Variants in RUNDC3B observed in about 807,000 individuals in gnomAD.
RUNDC3B encodes the protein RUN domain-containing protein 3B.
In RUNDC3B, 33 loss-of-function variants were observed where a neutral mutation model predicts 58.4. That is an observed-to-expected ratio of 0.56 (90% CI 0.43 to 0.75). RUNDC3B has a LOEUF of 0.75. Ranked by LOEUF, RUNDC3B falls within the 30% of genes least tolerant of loss-of-function variation. The probability of loss-of-function intolerance (pLI) is 0.00; values close to 1 mark genes in which losing one functional copy is unlikely to be tolerated. For missense variants in RUNDC3B, 501 were observed against 535.7 expected, an observed-to-expected ratio of 0.94 and a Z score of 0.64; for synonymous variants, 193 against 195.2, an observed-to-expected ratio of 0.99 and a Z score of 0.10.
At position 87,815,643 on chromosome 7, in the gene RUNDC3B, ACTT is replaced by A. The variant is rs929266175; in HGVS notation, c.1104-494_1104-492del. Among the ~76,000 whole-genome samples, 21 of 152,176 alleles carry A rather than the reference ACTT, an allele frequency of 1.4e-4. No homozygotes were observed. In the East Asian group the frequency reaches 2.7e-3, roughly 20 times the overall value. ...TATTTTATTACCCAGCAGTTTTTAA[ACTT>A]CTTAATTACAGGAATTTGTAATAAT... On this transcript the variant is annotated intron_variant, in intron 9 of 10. Coordinates refer to ENST00000394654, the MANE Select transcript of RUNDC3B (RefSeq NM_001134405.2).
At chr7:87,781,775 G>T (rs1834936903) in intron 8 of RUNDC3B, among the ~76,000 whole-genome samples, 1 of 151,802 alleles carries the variant, frequency 6.6e-6, no homozygotes, top group South Asian at 2.1e-4. Flanking sequence ...TGTTTATGTG[G>T]TAGATCACAT....
chr7:87,724,706 G>T (rs1166370587), intron 4 of RUNDC3B, among the ~76,000 whole-genome samples: 2 of 151,900 alleles, frequency 1.3e-5, no homozygotes, highest in Non-Finnish European at 2.9e-5. Flanking sequence ...AAAATAATCT[G>T]CCATTTTCAT....
At chr7:87,820,863 A>C (rs1326147142) in intron 10 of RUNDC3B, among the ~76,000 whole-genome samples, 1 of 152,018 alleles carries the variant, frequency 6.6e-6, no homozygotes, top group African/African-American at 2.4e-5. Context: ...AACTCTCAAT[A>C]AATTAGGTAT....
rs979702224 is a variant in RUNDC3B, at chr7:87,653,824, G to T, written c.238+2887G>T. On this transcript the variant is annotated intron_variant, in intron 2 of 10. Transcript: ENST00000394654. ...TAGTCTTCTGGCTTACCACTGATTTGTTAGTATTGCTCTTAAAAATCTGGT... is the reference window on the plus strand; with the variant it reads ...TAGTCTTCTGGCTTACCACTGATTTTTTAGTATTGCTCTTAAAAATCTGGT... Among the ~76,000 whole-genome samples the T allele has an allele frequency of 2.0e-4, 30 of 151,956 alleles. No homozygotes were observed. In the East Asian group the frequency reaches 2.1e-3, roughly 11 times the overall value.
At chr7:87,781,758 T>C (rs1834936141) in intron 8 of RUNDC3B, among the ~76,000 whole-genome samples, 1 of 152,140 alleles carries the variant, frequency 6.6e-6, no homozygotes, top group South Asian at 2.1e-4. Flanking sequence ...GTTTTTGTTT[T>C]TTATTCTGTT....
intron 1 of RUNDC3B, among the ~76,000 whole-genome samples, chr7:87,638,077 A>C (rs191862805): frequency 1.6e-3 from 242 of 152,134 alleles, no homozygotes; most frequent in Middle Eastern, 0.014. Flanking sequence ...TTTGTCTTTC[A>C]AGTAAACGTG....
At chr7:87,672,718 T>A (rs990372722) in intron 2 of RUNDC3B, among the ~76,000 whole-genome samples, 1 of 152,144 alleles carries the variant, frequency 6.6e-6, no homozygotes, top group Non-Finnish European at 1.5e-5. Context: ...CAAGGAGATC[T>A]CCTGACCCAA....
At chr7:87,734,318 A>G (rs1831788632) in intron 4 of RUNDC3B, among the ~76,000 whole-genome samples, 1 of 152,194 alleles carries the variant, frequency 6.6e-6, no homozygotes, top group Non-Finnish European at 1.5e-5. Context: ...CATACAGTGG[A>G]ATGTTATTCA....
intron 8 of RUNDC3B, among the ~76,000 whole-genome samples, chr7:87,783,312 A>G (rs758291623): frequency 2.6e-5 from 4 of 152,060 alleles, no homozygotes; most frequent in Non-Finnish European, 5.9e-5. Flanking sequence ...TATCCGATAT[A>G]AGAATAGGAC....
intron 8 of RUNDC3B, among the ~76,000 whole-genome samples, chr7:87,782,268 G>A (rs578189471): frequency 3.3e-5 from 5 of 152,126 alleles, no homozygotes; most frequent in South Asian, 2.1e-4. Context: ...AAAACTGTTC[G>A]TAATAGTCTC....
intron 2 of RUNDC3B, among the ~76,000 whole-genome samples, chr7:87,693,053 G>A (rs1173849798): frequency 6.6e-6 from 1 of 152,144 alleles, no homozygotes; most frequent in Non-Finnish European, 1.5e-5. Flanking sequence ...GTTTGGAAAG[G>A]TGTGGGACCA....
At chr7:87,683,160 C>T (rs576240266) in intron 2 of RUNDC3B, among the ~76,000 whole-genome samples, 114 of 152,294 alleles carry the variant, frequency 7.5e-4, no homozygotes, top group African/African-American at 2.6e-3. Context: ...CCTCTCTCAT[C>T]CTTCATAGCA....
chr7:87,817,043 T>C (rs1197574765), intron 10 of RUNDC3B, among the ~76,000 whole-genome samples: 1 of 152,202 alleles, frequency 6.6e-6, no homozygotes, highest in East Asian at 1.9e-4. Context: ...TTCAGGTATA[T>C]ATGAGAGCTA....
chr7:87,664,696 A>G (rs943628176), intron 2 of RUNDC3B, among the ~76,000 whole-genome samples: 9 of 152,172 alleles, frequency 5.9e-5, no homozygotes, highest in African/African-American at 2.2e-4. Flanking sequence ...AATAGAAATG[A>G]TCCAATCTGA....
intron 6 of RUNDC3B, among the ~76,000 whole-genome samples, chr7:87,743,915 A>G (rs1454895451): frequency 6.6e-6 from 1 of 152,166 alleles, no homozygotes; most frequent in Non-Finnish European, 1.5e-5. Context: ...GGTTTTTCCA[A>G]AGTTATCTTG....
intron 4 of RUNDC3B, among the ~76,000 whole-genome samples, chr7:87,724,318 T>C (rs1264793361): frequency 2.0e-5 from 3 of 152,194 alleles, no homozygotes; most frequent in African/African-American, 4.8e-5. Flanking sequence ...GATAATGCTA[T>C]GCTAAAAGCA....
At chr7:87,737,243 G>A (rs1832040748) in intron 4 of RUNDC3B, among the ~76,000 whole-genome samples, 1 of 151,934 alleles carries the variant, frequency 6.6e-6, no homozygotes, top group African/African-American at 2.4e-5. Context: ...TGAAAAAAGG[G>A]AATTTTAAGT....
At chr7:87,694,010 A>G in intron 2 of RUNDC3B, 1 of 1,603,066 alleles carries the variant, frequency 6.2e-7, no homozygotes, top group Non-Finnish European at 8.5e-7. Context: ...GGAGCATGGA[A>G]TTGACTTTCG....
intron 7 of RUNDC3B, among the ~76,000 whole-genome samples, chr7:87,771,213 A>G (rs1052569934): frequency 1.3e-5 from 2 of 151,880 alleles, no homozygotes; most frequent in East Asian, 1.9e-4. Context: ...TTTTTACTGT[A>G]TTTTCTATTT....
Sources: allele counts gnomAD v4.1 joint callset (sites outside exome capture counted in the v4.1 genomes callset), GRCh38; gene constraint gnomAD v4.1.1; transcripts MANE v1.5; gene names NCBI Gene and HGNC (gene_info 2026-07-23, HGNC 2026-07-21).